The following NEK3 variants were observed in gnomAD, a reference collection of about 807,000 sequenced individuals.
The protein encoded by NEK3 is serine/threonine-protein kinase Nek3.
A neutral mutation model predicts 66.0 loss-of-function variants in NEK3; 54 were observed. That is an observed-to-expected ratio of 0.82 (90% CI 0.66 to 1.03). The LOEUF is 1.03. Among genes scored for constraint, NEK3 ranks in the 50% least tolerant of loss-of-function variants. NEK3 has a pLI of 0.00. For synonymous variants in NEK3, 200 were observed against 206.2 expected (o/e 0.97, Z 0.26); for missense variants, 593 against 603.0 (o/e 0.98, Z 0.17).
rs533514573 is a variant in NEK3, at chr13:52,155,620, C to T, written c.117+455G>A. ...ATGTATCGAGCCCTTGTAAAGCTAA[C>T]GAATAAACCAATTACATCTTTTGCA... On this transcript the variant is annotated intron_variant, in intron 2 of 15. Coordinates refer to ENST00000610828, the MANE Select transcript of NEK3 (RefSeq NM_002498.3). Among the ~76,000 whole-genome samples, 20 of 152,254 alleles carry T rather than the reference C, an allele frequency of 1.3e-4. No individual in the cohort carries two copies. In the South Asian group the frequency reaches 3.9e-3, roughly 30 times the overall value.
Position 52,156,268 on chromosome 13 carries a change from C to T in NEK3, c.-57-20G>A, listed in dbSNP as rs935767848. The T allele has an allele frequency of 1.4e-5, 12 of 858,896 alleles. No individual in the cohort carries two copies. The highest frequency in any genetic ancestry group is 1.5e-5 in the South Asian group (1 of 65,268). 53.2% of individuals were successfully genotyped at this position (858,896 alleles called of 1,614,324 possible). ...CCCAAACTGCATTCAAAAGCAGAAA[C>T]ATTTGAGAATTAAATGTACTTTCAA... is the stretch of plus-strand genomic sequence containing the variant. On this transcript the variant is annotated intron_variant, in intron 1 of 15. Coordinates refer to ENST00000610828, the MANE Select transcript of NEK3 (RefSeq NM_002498.3).
chr13:52,143,941 G>C lies in NEK3; in HGVS notation c.851C>G (p.Ser284Trp). The change falls in exon 10 of 16, where the codon TCG (serine) becomes TGG (tryptophan). Residue 284 changes from serine to tryptophan, a missense_variant. Physicochemically the swap from Ser to Trp is radical, Grantham distance 177. Coordinates refer to ENST00000610828, the MANE Select transcript of NEK3 (RefSeq NM_002498.3). ...TTTTTTTCTTGGTGTGTTATGCTTCGAATTTTTTATTTCTTCTAATACTTC... is the reference window on the plus strand; with the variant it reads ...TTTTTTTCTTGGTGTGTTATGCTTCCAATTTTTTATTTCTTCTAATACTTC... ...GEEVLEEIKNSKHNTPRKKTN... is the reference protein window; with the variant it reads ...GEEVLEEIKNWKHNTPRKKTN... 1 of 1,501,168 alleles carries C rather than the reference G, an allele frequency of 6.7e-7. No individual in the cohort carries two copies. Among genetic ancestry groups the C allele is most frequent in the South Asian group, 1.2e-5 (1 of 80,912 alleles). The allele number at this position is 1,501,168 out of a possible 1,614,324, so 93.0% of individuals were successfully genotyped here. A position where few individuals can be genotyped will look rare whatever the true frequency, so the allele number is the denominator to read the frequency against.
intron 9 of NEK3, 108 bp from the exon 10 acceptor site, chr13:52,144,095 T>C: frequency 1.5e-6 from 1 of 679,718 alleles, no homozygotes; most frequent in Non-Finnish European, 2.4e-6. Flanking sequence ...ATATTTCAAG[T>C]TGAAAAACAA....
At chr13:52,136,754 T>G in intron 12 of NEK3, 46 bp downstream of exon 12, 1 of 1,271,056 alleles carries the variant, frequency 7.9e-7, no homozygotes, top group Non-Finnish European at 1.1e-6. Context: ...AAATTGGTAT[T>G]CCCCAACTCC....
chr13:52,149,391 A>C (rs963854059), intron 7 of NEK3, among the ~76,000 whole-genome samples: 1 of 152,118 alleles, frequency 6.6e-6, no homozygotes, highest in African/African-American at 2.4e-5. Context: ...AGACTTTTCT[A>C]AATGATATTC....
intron 10 of NEK3, 69 bp downstream of exon 10, chr13:52,143,846 C>T: frequency 3.8e-6 from 3 of 787,928 alleles, no homozygotes; most frequent in Non-Finnish European, 6.2e-6. Flanking sequence ...AAAAATTATA[C>T]ATTTCTTTTC....
rs528264298 is a variant in NEK3, at chr13:52,157,646, A to G, written c.-57-1398T>C. On this transcript the variant is annotated intron_variant, in intron 1 of 15. Transcript: ENST00000610828. Reference sequence around the variant, plus strand: ...AGAGAGATGTTAAACACACAGTTGGAGTCCTTGACTTCAGTCTCCCATCTA... The same window carrying G: ...AGAGAGATGTTAAACACACAGTTGGGGTCCTTGACTTCAGTCTCCCATCTA... Among the ~76,000 whole-genome samples the G allele has an allele frequency of 3.9e-5, 6 of 152,300 alleles. No individual in the cohort carries two copies. The South Asian group carries it at 1.2e-3, about 32-fold the overall frequency.
At chr13:52,136,333 T>G in intron 12 of NEK3, 74 bp from the exon 13 acceptor site, 1 of 1,392,886 alleles carries the variant, frequency 7.2e-7, no homozygotes, top group Non-Finnish European at 9.9e-7. Context: ...ACATAGACTC[T>G]AACAAATATG....
intron 1 of NEK3, 76 bp from the exon 2 acceptor site, chr13:52,156,324 T>G: frequency 1.6e-6 from 1 of 610,680 alleles, no homozygotes; most frequent in Admixed American, 2.7e-5. Context: ...GTAGCTCTCA[T>G]AACCATGATA....
chr13:52,152,159 T>C (rs1196857717), intron 5 of NEK3, among the ~76,000 whole-genome samples: 4 of 152,212 alleles, frequency 2.6e-5, no homozygotes, highest in African/African-American at 7.2e-5. Flanking sequence ...TTTGTATAAA[T>C]ATTAAGTCAA....
rs766816279 is a variant in NEK3 at position 52,151,152 on chromosome 13, T to C, written c.542A>G (p.Asn181Ser). ...TCAAATATGCAGCACTCACCTTTTA[T>C]TGTTATAAGGCAGGTTTTCCCAAAT... ...PEIWENLPYN[N>S]KSDIWSLGCI... Residue 181 changes from asparagine to serine, a missense_variant, in exon 7 of 16, where the codon AAT (asparagine) becomes AGT (serine). Transcript: ENST00000610828. 10 of 1,605,744 alleles carry C rather than the reference T, an allele frequency of 6.2e-6. No individual in the cohort carries two copies. In the South Asian group the frequency reaches 6.7e-5, roughly 11 times the overall value.
At position 52,153,993 on chromosome 13, in the gene NEK3, C is replaced by T. The variant is rs1213832628; in HGVS notation, c.212-1G>A. 1.2e-6 allele frequency: 2 copies of T among 1,611,516 alleles called. No homozygotes were observed. The highest frequency in any genetic ancestry group is 4.5e-5 in the East Asian group (2 of 44,734). On this transcript the variant is annotated splice_acceptor_variant, in intron 3 of 15. Transcript: ENST00000610828. LOFTEE classifies it high-confidence loss of function. ...ATCACAATATACAAGTGTCCTTCAG[C>T]TAAAACAGATATAAGCTCTTTAGAA...
intron 8 of NEK3, among the ~76,000 whole-genome samples, chr13:52,146,303 A>C (rs1229689675): frequency 1.3e-5 from 2 of 152,226 alleles, no homozygotes; most frequent in African/African-American, 4.8e-5. Flanking sequence ...GTAAGTGAAT[A>C]TATGAAAAAG....
chr13:52,141,554 C>T (rs1417135523), intron 10 of NEK3, among the ~76,000 whole-genome samples: 2 of 152,132 alleles, frequency 1.3e-5, no homozygotes, highest in Admixed American at 1.3e-4. Flanking sequence ...AATGGCTATG[C>T]CTCATAGTGG....
intron 9 of NEK3, among the ~76,000 whole-genome samples, 173 bp downstream of exon 9, chr13:52,144,518 T>C (rs936314986): frequency 1.3e-5 from 2 of 152,224 alleles, no homozygotes; most frequent in Non-Finnish European, 2.9e-5. Flanking sequence ...ACTTGGGGAA[T>C]AGCATTGTGG....
intron 13 of NEK3, 99 bp from the exon 14 acceptor site, chr13:52,135,962 T>C (rs1466473992): frequency 1.3e-6 from 2 of 1,504,936 alleles, no homozygotes; most frequent in Non-Finnish European, 1.8e-6. Flanking sequence ...TATATTTGAC[T>C]GTTAACTAAA....
In NEK3 at chr13:52,152,627, G is replaced by A; in HGVS notation, c.375C>T (p.His125=). The A allele has an allele frequency of 6.2e-7, 1 of 1,608,374 alleles. No homozygotes were observed. Among genetic ancestry groups the A allele is most frequent in the Non-Finnish European group, 8.5e-7 (1 of 1,177,150 alleles). ...CACTCACCTTGGACTTGATATCTCT[G>A]TGTAGCACACGTTTCTTGTGAATGT... ...VNHIHKKRVL[H]RDIKSKNIFL... is the part of the protein sequence containing the mutation. The change falls in exon 5 of 16, where the codon CAC becomes CAT. Residue 125 remains histidine, a synonymous_variant. Transcript: ENST00000610828.
chr13:52,136,906 T>TA lies in NEK3; in HGVS notation c.928-5dup, dbSNP rs780631830. The TA allele has an allele frequency of 2.0e-6, 3 of 1,536,112 alleles. No homozygotes were observed. In the African/African-American group the frequency reaches 4.1e-5, roughly 21 times the overall value. ...TTCTATCTTGTTCTTCCTCTTGCTT[T>TA]AAAAGAGATTAACAATACAGATTAA... On this transcript the variant is annotated splice_polypyrimidine_tract_variant and splice_region_variant and intron_variant, in intron 11 of 15. Coordinates refer to ENST00000610828, the MANE Select transcript of NEK3 (RefSeq NM_002498.3).
chr13:52,143,141 A>C (rs973011506), intron 10 of NEK3, among the ~76,000 whole-genome samples: 6 of 151,986 alleles, frequency 3.9e-5, no homozygotes, highest in African/African-American at 1.5e-4. Context: ...ACATGGTGAA[A>C]CCCCATCTCT....
Sources: gnomAD v4.1 joint callset for allele counts (sites outside exome capture counted in the v4.1 genomes callset) on GRCh38, gnomAD v4.1.1 for gene constraint, MANE v1.5 for transcripts, NCBI Gene and HGNC (gene_info 2026-07-23, HGNC 2026-07-21) for gene names.